The following MAN2A1 variants were observed in gnomAD, a reference collection of about 807,000 sequenced individuals.
MAN2A1 encodes alpha-mannosidase 2.
Under a neutral mutation model 142.6 loss-of-function variants are expected in MAN2A1, and 76 were observed. That is an observed-to-expected ratio of 0.53 (90% CI 0.44 to 0.65). The LOEUF is 0.65. MAN2A1 is among the 30% of genes least tolerant of loss of function. The pLI is 0.00. For synonymous variants in MAN2A1, 559 were observed against 473.2 expected (o/e 1.18, Z -2.35); for missense variants, 1,311 against 1,365.1 (o/e 0.96, Z 0.62).
At chr5:109,781,764 G>A (rs1049361112) in intron 9 of MAN2A1, among the ~76,000 whole-genome samples, 166 bp downstream of exon 9, 2 of 152,078 alleles carry the variant, frequency 1.3e-5, no homozygotes, top group Admixed American at 6.6e-5. Flanking sequence ...TCAGAAATAC[G>A]TCTCCAAACT....
intron 16 of MAN2A1, among the ~76,000 whole-genome samples, chr5:109,841,689 C>T (rs945729221): frequency 3.9e-5 from 6 of 152,100 alleles, no homozygotes; most frequent in African/African-American, 1.4e-4. Context: ...TAACAAAGGA[C>T]AAAATGGATC....
chr5:109,766,080 T>C (rs1243534235), intron 5 of MAN2A1, among the ~76,000 whole-genome samples: 1 of 152,108 alleles, frequency 6.6e-6, no homozygotes, highest in Non-Finnish European at 1.5e-5. Context: ...AAAATTTGTG[T>C]ATGTTTGTGA....
chr5:109,813,009 A>T (rs574229974), intron 12 of MAN2A1, among the ~76,000 whole-genome samples: 3 of 152,102 alleles, frequency 2.0e-5, no homozygotes, highest in Non-Finnish European at 4.4e-5. Context: ...AAAAATATGT[A>T]TTTTTTTAAT....
chr5:109,735,444 G>A (rs1267351158), intron 4 of MAN2A1, among the ~76,000 whole-genome samples: 8 of 152,200 alleles, frequency 5.3e-5, no homozygotes, highest in African/African-American at 1.9e-4. Flanking sequence ...TTGCTCGTTA[G>A]TTGATGCAGT....
intron 3 of MAN2A1, among the ~76,000 whole-genome samples, chr5:109,720,149 C>G (rs1367539717): frequency 1.3e-5 from 2 of 152,126 alleles, no homozygotes; most frequent in Non-Finnish European, 2.9e-5. Context: ...AAAGAAGTCA[C>G]AGTGTGTGGA....
chr5:109,811,238 G>A (rs959956395), intron 12 of MAN2A1, among the ~76,000 whole-genome samples: 1 of 151,698 alleles, frequency 6.6e-6, no homozygotes, highest in African/African-American at 2.4e-5. Flanking sequence ...GTAACCATTT[G>A]TCTTGCTCAT....
chr5:109,853,062 A>G (rs1755523051), intron 19 of MAN2A1, among the ~76,000 whole-genome samples: 1 of 152,218 alleles, frequency 6.6e-6, no homozygotes, highest in African/African-American at 2.4e-5. Flanking sequence ...CACAGTTTTT[A>G]AATTCTTGAA....
intron 8 of MAN2A1, among the ~76,000 whole-genome samples, chr5:109,780,685 T>C (rs1447277044): frequency 1.5e-4 from 23 of 152,204 alleles, no homozygotes; most frequent in Non-Finnish European, 2.9e-5. Context: ...TCTTTTTGTC[T>C]TTGATTTGTA....
rs71626618 is a variant in MAN2A1, at chr5:109,710,509, AT to A, written c.136-2998del. On this transcript the variant is annotated intron_variant, in intron 1 of 21. Coordinates refer to ENST00000261483, the MANE Select transcript of MAN2A1 (RefSeq NM_002372.4). ...TTGTAAGTATAAGATAAAATGTGGT[AT>A]TTTTTTTTTTTTGAGACGGAGTCTC... Among the ~76,000 whole-genome samples the A allele has an allele frequency of 4.5e-3, 663 of 147,028 alleles. 5 individuals carry two copies. The highest frequency in any genetic ancestry group is 0.013 in the African/African-American group (540 of 40,140).
intron 15 of MAN2A1, among the ~76,000 whole-genome samples, chr5:109,823,337 C>T (rs1293489774): frequency 6.6e-6 from 1 of 152,112 alleles, no homozygotes; most frequent in Admixed American, 6.6e-5. Flanking sequence ...GTCCCAAACC[C>T]TGAACATTAG....
intron 2 of MAN2A1, among the ~76,000 whole-genome samples, chr5:109,714,936 G>T (rs1751409981): frequency 6.8e-6 from 1 of 147,468 alleles, no homozygotes; most frequent in African/African-American, 2.5e-5. Context: ...TTAGTTTTTT[G>T]TTGAGTACTT....
In MAN2A1 at chr5:109,831,220, A is replaced by G. The variant is rs189837123; in HGVS notation, c.2566+7383A>G. On this transcript the variant is annotated intron_variant, in intron 16 of 21. Coordinates refer to ENST00000261483, the MANE Select transcript of MAN2A1 (RefSeq NM_002372.4). The stretch of plus-strand genomic sequence containing the variant: ...GCTTCAGAGGATGTTTGGAGTATTC[A>G]CCGAGTAAATATACAAGGAACCTTA... Among the ~76,000 whole-genome samples, 51 of 152,350 alleles carry G rather than the reference A, an allele frequency of 3.3e-4. 1 individual carries two copies. The highest frequency in any genetic ancestry group is 9.1e-4 in the African/African-American group (38 of 41,588).
At chr5:109,702,417 A>G (rs1751015231) in intron 1 of MAN2A1, among the ~76,000 whole-genome samples, 1 of 151,846 alleles carries the variant, frequency 6.6e-6, no homozygotes. Flanking sequence ...ATTAAGGATC[A>G]AAATGCAACA....
chr5:109,820,672 G>C (rs1478315051), intron 15 of MAN2A1, among the ~76,000 whole-genome samples: 1 of 152,142 alleles, frequency 6.6e-6, no homozygotes, highest in Non-Finnish European at 1.5e-5. Context: ...AGGCATGGTG[G>C]CCTGCACCTA....
intron 4 of MAN2A1, among the ~76,000 whole-genome samples, chr5:109,752,526 A>T (rs1421096366): frequency 6.6e-6 from 1 of 152,060 alleles, no homozygotes; most frequent in African/African-American, 2.4e-5. Context: ...GTCGGGAGGG[A>T]AAGAGTGGAG....
At chr5:109,811,738 T>C (rs920780382) in intron 12 of MAN2A1, among the ~76,000 whole-genome samples, 5 of 152,154 alleles carry the variant, frequency 3.3e-5, no homozygotes, top group African/African-American at 1.2e-4. Context: ...AAACTGTAGG[T>C]ACTTTGTTGA....
chr5:109,754,875 C>T (rs1481174778), intron 4 of MAN2A1, among the ~76,000 whole-genome samples: 2 of 152,264 alleles, frequency 1.3e-5, no homozygotes, highest in Admixed American at 6.5e-5. Context: ...GTGGCGCATG[C>T]CTGTAATCCC....
chr5:109,834,482 A>G, intron 16 of MAN2A1, among the ~76,000 whole-genome samples: 1 of 152,050 alleles, frequency 6.6e-6, no homozygotes, highest in Non-Finnish European at 1.5e-5. Flanking sequence ...TTTTTCATTT[A>G]TTATGTCTTC....
intron 4 of MAN2A1, among the ~76,000 whole-genome samples, chr5:109,753,837 A>G (rs1175143200): frequency 6.6e-6 from 1 of 151,994 alleles, no homozygotes; most frequent in Non-Finnish European, 1.5e-5. Flanking sequence ...CCATTTTCCA[A>G]ACCATCTTGT....
Sources: gnomAD v4.1 joint callset for allele counts (sites outside exome capture counted in the v4.1 genomes callset) on GRCh38, gnomAD v4.1.1 for gene constraint, MANE v1.5 for transcripts, NCBI Gene and HGNC (gene_info 2026-07-23, HGNC 2026-07-21) for gene names.